The following KIFAP3 variants were observed in gnomAD, a reference collection of about 807,000 sequenced individuals.
KIFAP3 encodes kinesin associated protein 3.
A neutral mutation model predicts 106.5 loss-of-function variants in KIFAP3; 68 were observed. The observed-to-expected ratio is 0.64, with a 90% CI of 0.53 to 0.78. KIFAP3 has a LOEUF of 0.78. Ranked by LOEUF, KIFAP3 falls within the 30% of genes least tolerant of loss-of-function variation. The pLI is 0.00. For synonymous variants in KIFAP3, 320 were observed against 311.5 expected (o/e 1.03, Z -0.29); for missense variants, 780 against 941.8 (o/e 0.83, Z 2.25).
intron 15 of KIFAP3, among the ~76,000 whole-genome samples, chr1:169,980,917 C>T (rs891128286): frequency 6.6e-6 from 1 of 152,106 alleles, no homozygotes. Context: ...GCCTGACCAA[C>T]ATGGAGAAAC....
intron 19 of KIFAP3, among the ~76,000 whole-genome samples, chr1:169,922,310 T>C (rs912282661): frequency 6.6e-6 from 1 of 152,174 alleles, no homozygotes; most frequent in Non-Finnish European, 1.5e-5. Context: ...AAGAACAAGA[T>C]AAGGAATTTG....
At chr1:170,039,588 GTTCTAAGTATCCTCTCT>G (rs1210932367) in intron 3 of KIFAP3, among the ~76,000 whole-genome samples, 2 of 151,972 alleles carry the variant, frequency 1.3e-5, no homozygotes, top group Non-Finnish European at 2.9e-5. Flanking sequence ...AAAATAGTCT[GTTCTAAGTATCCTCTCT>G]TTCCCTTCCT....
chr1:170,054,619 A>G (rs1363201477), intron 2 of KIFAP3, among the ~76,000 whole-genome samples: 1 of 152,326 alleles, frequency 6.6e-6, no homozygotes, highest in East Asian at 1.9e-4. Flanking sequence ...TCACGGAATA[A>G]TATGTAGCCA....
chr1:170,024,365 T>G, intron 9 of KIFAP3, 53 bp downstream of exon 9: 1 of 1,206,796 alleles, frequency 8.3e-7, no homozygotes, highest in African/African-American at 1.6e-5. Flanking sequence ...CAAAATATTC[T>G]AACTTGAAAA....
intron 10 of KIFAP3, among the ~76,000 whole-genome samples, chr1:169,994,819 A>C (rs115397676): frequency 6.6e-6 from 1 of 152,024 alleles, no homozygotes; most frequent in Non-Finnish European, 1.5e-5. Context: ...CATTTCTTCT[A>C]TTGTTTGAAG....
At chr1:170,074,756 T>C, upstream of KIFAP3, 1 of 1,303,942 alleles carries the variant, frequency 7.7e-7, no homozygotes, top group Non-Finnish European at 9.8e-7. Flanking sequence ...AGGCTCAGTC[T>C]GAGGCGGTGG....
At chr1:169,995,789 A>G (rs1399891073) in intron 10 of KIFAP3, among the ~76,000 whole-genome samples, 1 of 152,152 alleles carries the variant, frequency 6.6e-6, no homozygotes. Flanking sequence ...CCTTTAAAAC[A>G]TAGGTACTAC....
intron 8 of KIFAP3, among the ~76,000 whole-genome samples, chr1:170,026,666 T>C (rs1165212387): frequency 6.6e-6 from 1 of 151,800 alleles, no homozygotes; most frequent in Non-Finnish European, 1.5e-5. Flanking sequence ...AAATACTGAG[T>C]TGAGTATTGA....
chr1:169,962,427 C>G (rs1421148945), intron 17 of KIFAP3, among the ~76,000 whole-genome samples: 1 of 152,074 alleles, frequency 6.6e-6, no homozygotes, highest in Non-Finnish European at 1.5e-5. Context: ...CAATGGACAG[C>G]AGAAATGATA....
chr1:169,936,961 T>TATTA (rs144545422), intron 19 of KIFAP3, among the ~76,000 whole-genome samples: 1 of 145,806 alleles, frequency 6.9e-6, no homozygotes, highest in Non-Finnish European at 1.5e-5. Context: ...GGAATATATA[T>TATTA]TATATATATA....
intron 1 of KIFAP3, among the ~76,000 whole-genome samples, chr1:170,067,011 T>C (rs1454472867): frequency 2.0e-5 from 3 of 152,044 alleles, no homozygotes; most frequent in African/African-American, 4.8e-5. Flanking sequence ...AACTAGATAA[T>C]TTTTTTAAAT....
At position 170,057,840 on chromosome 1, in the gene KIFAP3, A is replaced by G. The variant is rs190694861; in HGVS notation, c.33-2404T>C. ...ATACTATGACACTGATATTAAATTGATATCTTTTAGCTGGTTGCAAATTTC... is the reference window on the plus strand; with the variant it reads ...ATACTATGACACTGATATTAAATTGGTATCTTTTAGCTGGTTGCAAATTTC... On this transcript the variant is annotated intron_variant, in intron 1 of 19. Transcript: ENST00000361580. Among the ~76,000 whole-genome samples the G allele has an allele frequency of 7.8e-4, 118 of 152,254 alleles. 1 individual carries two copies. Among genetic ancestry groups the G allele is most frequent in the African/African-American group, 2.7e-3 (114 of 41,562 alleles).
Position 169,960,861 on chromosome 1 carries a change from T to C in KIFAP3, c.2173+185A>G, listed in dbSNP as rs556114654. ...TAGGGAGATTCCATCAAAGACTAACTTGGAAAAAAAAATGGTAAGTTAATA... is the reference window on the plus strand; with the variant it reads ...TAGGGAGATTCCATCAAAGACTAACCTGGAAAAAAAAATGGTAAGTTAATA... On this transcript the variant is annotated intron_variant, in intron 18 of 19. Transcript: ENST00000361580. Among the ~76,000 whole-genome samples the C allele has an allele frequency of 6.9e-5, 6 of 86,686 alleles. No individual in the cohort carries two copies. In the South Asian group the frequency reaches 2.2e-3, roughly 31 times the overall value. 56.9% of individuals were successfully genotyped at this position (86,686 alleles called of 152,430 possible). A position where few individuals can be genotyped will look rare whatever the true frequency, so the allele number is the denominator to read the frequency against.
intron 1 of KIFAP3, among the ~76,000 whole-genome samples, chr1:170,063,519 T>C (rs1366779119): frequency 6.6e-6 from 1 of 152,166 alleles, no homozygotes; most frequent in African/African-American, 2.4e-5. Flanking sequence ...CTTCCAACTT[T>C]TGGGGGAGGC....
At chr1:170,059,205 A>G (rs962901038) in intron 1 of KIFAP3, among the ~76,000 whole-genome samples, 1 of 151,472 alleles carries the variant, frequency 6.6e-6, no homozygotes, top group Non-Finnish European at 1.5e-5. Flanking sequence ...CACAAAAAAA[A>G]TCAATGAACC....
At chr1:170,078,820 C>A (rs1671969575), upstream of KIFAP3, among the ~76,000 whole-genome samples, 1 of 152,092 alleles carries the variant, frequency 6.6e-6, no homozygotes, top group Non-Finnish European at 1.5e-5. Flanking sequence ...TCAGCATTAT[C>A]CTGATATCAA....
intron 19 of KIFAP3, among the ~76,000 whole-genome samples, chr1:169,937,753 A>G (rs956043084): frequency 2.6e-5 from 4 of 151,840 alleles, no homozygotes; most frequent in Non-Finnish European, 4.4e-5. Context: ...CTAAAGTTAC[A>G]CCATCCTCTA....
chr1:170,000,371 A>C (rs768985938), intron 10 of KIFAP3, among the ~76,000 whole-genome samples: 1 of 152,160 alleles, frequency 6.6e-6, no homozygotes, highest in Non-Finnish European at 1.5e-5. Flanking sequence ...AAGCACACCT[A>C]TATTAGGATA....
At chr1:170,083,694 T>C (rs2102196657) in intron 1 of KIFAP3, among the ~76,000 whole-genome samples, 1 of 152,290 alleles carries the variant, frequency 6.6e-6, no homozygotes, top group East Asian at 1.9e-4. Context: ...ACCTACCATT[T>C]ATTAATTACC....
Sources: allele counts gnomAD v4.1 joint callset (sites outside exome capture counted in the v4.1 genomes callset), GRCh38; gene constraint gnomAD v4.1.1; transcripts MANE v1.5; gene names NCBI Gene and HGNC (gene_info 2026-07-23, HGNC 2026-07-21).